The following SP3 variants were observed in gnomAD, a reference collection of about 807,000 sequenced individuals.
SP3 encodes the protein transcription factor Sp3.
SP3 carries 10 observed loss-of-function variants against 70.3 expected under a neutral mutation model. The ratio of observed to expected loss-of-function variants is 0.14; its 90% CI spans 0.09 to 0.24. The LOEUF (loss-of-function observed/expected upper bound fraction) is 0.24, where lower values mean the gene tolerates loss of function less well. Among genes scored for constraint, SP3 ranks in the 10% least tolerant of loss-of-function variants. The pLI, the probability that SP3 is intolerant of heterozygous loss-of-function variation, is 1.00. For synonymous variants in SP3, 402 were observed against 333.5 expected (o/e 1.21, Z -2.24); for missense variants, 825 against 914.6 (o/e 0.90, Z 1.26).
intron 4 of SP3, among the ~76,000 whole-genome samples, chr2:173,935,980 C>A (rs977340217): frequency 3.3e-5 from 5 of 151,328 alleles, no homozygotes; most frequent in African/African-American, 7.3e-5. Context: ...TTCCTTCCTT[C>A]CTTACTTTCT....
chr2:173,963,832 C>G lies in SP3; in HGVS notation c.208G>C (p.Gly70Arg). ...ALLAATCSKI[G>R]PPSPGDDEEE... ...TCGTCGTCGCCCGGCGATGGCGGCC[C>G]TATCTTGCTGCAGGTAGCGGCCAGC... The change falls in exon 3 of 7, where the codon GGG (glycine) becomes CGG (arginine). Residue 70 changes from glycine (G) to arginine (R), a missense_variant. Transcript: ENST00000310015. The G allele has an allele frequency of 6.7e-7, 1 of 1,496,358 alleles. No individual in the cohort carries two copies. Among genetic ancestry groups the G allele is most frequent in the Non-Finnish European group, 8.9e-7 (1 of 1,117,968 alleles). The allele number at this position is 1,496,358 out of a possible 1,614,324, so 92.7% of individuals were successfully genotyped here.
At chr2:173,949,715 A>AGCTACCAGTTAACCTGCAACTATCC (rs1381390447) in intron 4 of SP3, among the ~76,000 whole-genome samples, 2 of 152,362 alleles carry the variant, frequency 1.3e-5, no homozygotes, top group East Asian at 3.9e-4. Flanking sequence ...AAAAAAAGAT[A>AGCTACCAGTTAACCTGCAACTATCC]GCTACCAGTT....
chr2:173,930,592 A>G (rs1183470063), intron 4 of SP3, among the ~76,000 whole-genome samples: 1 of 152,152 alleles, frequency 6.6e-6, no homozygotes, highest in East Asian at 1.9e-4. Flanking sequence ...TTGTTTTCCA[A>G]CCTTGTCCCA....
intron 4 of SP3, among the ~76,000 whole-genome samples, chr2:173,942,490 C>T (rs1480929512): frequency 6.6e-6 from 1 of 152,130 alleles, no homozygotes; most frequent in Non-Finnish European, 1.5e-5. Flanking sequence ...CGCTTGAACC[C>T]AGGAGGTGGA....
In SP3 at chr2:173,939,764, C is replaced by CAAAAAAAAAAAAAAAA. The variant is rs3045251; in HGVS notation, c.1639+15093_1639+15108dup. On this transcript the variant is annotated intron_variant, in intron 4 of 6. Coordinates refer to ENST00000310015, the MANE Select transcript of SP3 (RefSeq NM_003111.5). Reference sequence around the variant, plus strand: ...TGAGCAACAGAGCAAGACTCCAACTCAAAAAAAAAAAAAAAAAAGTTACAC... The same window carrying CAAAAAAAAAAAAAAAA: ...TGAGCAACAGAGCAAGACTCCAACTCAAAAAAAAAAAAAAAAAAAAAAAAAAAAAAAAAAGTTACAC... Among the ~76,000 whole-genome samples, 205 of 70,144 alleles carry CAAAAAAAAAAAAAAAA rather than the reference C, an allele frequency of 2.9e-3. 9 individuals carry two copies. The highest frequency in any genetic ancestry group is 0.011 in the Middle Eastern group (1 of 92). The allele number at this position is 70,144 out of a possible 152,430, so 46.0% of individuals were successfully genotyped here. A position where few individuals can be genotyped will look rare whatever the true frequency, so the allele number is the denominator to read the frequency against.
chr2:173,944,639 G>GA (rs958180646), intron 4 of SP3, among the ~76,000 whole-genome samples: 49 of 152,188 alleles, frequency 3.2e-4, no homozygotes, highest in African/African-American at 1.1e-3. Context: ...CGGCATTACT[G>GA]AAAAATATAT....
intron 4 of SP3, among the ~76,000 whole-genome samples, chr2:173,927,572 C>A (rs112250768): frequency 3.9e-5 from 6 of 152,236 alleles, no homozygotes; most frequent in South Asian, 2.1e-4. Context: ...GCCACCCCAC[C>A]CGACCTATAT....
Position 173,964,408 on chromosome 2 carries a change from G to A in SP3, c.153C>T (p.Ala51=), listed in dbSNP as rs920871930. ...CCGGGGTTCAGCCGCTCCTCACCTGGGCCGCCGCTGCCGCCGCCACCGCAC... is the reference window on the plus strand; with the variant it reads ...CCGGGGTTCAGCCGCTCCTCACCTGAGCCGCCGCTGCCGCCGCCACCGCAC... ...GNGAVAAAAA[A]QDTQPSPLAL... Residue 51 remains alanine (A), a synonymous_variant, in exon 2 of 7, where the codon GCC becomes GCT. Coordinates refer to ENST00000310015, the MANE Select transcript of SP3 (RefSeq NM_003111.5). 1.4e-6 allele frequency: 1 copy of A among 720,936 alleles called. No homozygotes were observed. Among genetic ancestry groups the A allele is most frequent in the Non-Finnish European group, 2.5e-6 (1 of 395,530 alleles). 44.7% of individuals were successfully genotyped at this position (720,936 alleles called of 1,614,324 possible).
At chr2:173,923,161 T>C (rs954861531) in intron 4 of SP3, among the ~76,000 whole-genome samples, 1 of 152,156 alleles carries the variant, frequency 6.6e-6, no homozygotes, top group Non-Finnish European at 1.5e-5. Context: ...TTTATGTCTA[T>C]TCTCCACCTC....
intron 4 of SP3, among the ~76,000 whole-genome samples, chr2:173,948,761 AATAATT>A (rs138933831): frequency 0.12 from 17,986 of 152,128 alleles, 1,303 homozygotes; most frequent in Middle Eastern, 0.18. Context: ...ACAGAAAATA[AATAATT>A]ATAAGTCTCA....
At chr2:173,965,398 C>G (rs1167023369), upstream of SP3, 4 of 566,882 alleles carry the variant, frequency 7.1e-6, no homozygotes, top group Non-Finnish European at 1.3e-5. Context: ...TCCCGCCCCT[C>G]TTCTTGGCTC....
intron 3 of SP3, 87 bp from the exon 4 acceptor site, chr2:173,956,319 T>C: frequency 1.5e-6 from 2 of 1,372,486 alleles, no homozygotes; most frequent in Non-Finnish European, 2.0e-6. Flanking sequence ...TAAATCCTAC[T>C]ACCTGAAAAT....
Position 173,905,755 on chromosome 2 carries a change from T to C in SP3, c.*4186A>G, listed in dbSNP as rs994345315. ...GGCTCACGCCTATAATCCCAACACT[T>C]TGGGAGGCAGAGGTGGAAGGATCAC... On this transcript the variant is annotated 3_prime_UTR_variant, in exon 7 of 7. Coordinates refer to ENST00000310015, the MANE Select transcript of SP3 (RefSeq NM_003111.5). Among the ~76,000 whole-genome samples, 1 of 151,956 alleles carries C rather than the reference T, an allele frequency of 6.6e-6. No homozygotes were observed. The highest frequency in any genetic ancestry group is 1.5e-5 in the Non-Finnish European group (1 of 68,026).
At position 173,903,828 on chromosome 2, in the gene SP3, C is replaced by G. The variant is rs1453416703; in HGVS notation, c.*6113G>C. Among the ~76,000 whole-genome samples, 1 of 152,174 alleles carries G rather than the reference C, an allele frequency of 6.6e-6. No homozygotes were observed. The highest frequency in any genetic ancestry group is 2.4e-5 in the African/African-American group (1 of 41,418). On this transcript the variant is annotated 3_prime_UTR_variant, in exon 7 of 7. Coordinates refer to ENST00000310015, the MANE Select transcript of SP3 (RefSeq NM_003111.5). The stretch of plus-strand genomic sequence containing the variant: ...ATTCTACCAGTCTTTCAAGGCCCAC[C>G]CTTTCTGATTCATCCAAGCTATATA...
chr2:173,933,896 C>T (rs1019426782), intron 4 of SP3, among the ~76,000 whole-genome samples: 2 of 151,684 alleles, frequency 1.3e-5, no homozygotes, highest in African/African-American at 2.4e-5. Flanking sequence ...ACATCATTTG[C>T]CCTTCAACGA....
intron 4 of SP3, among the ~76,000 whole-genome samples, chr2:173,919,680 TGAC>T (rs1689694787): frequency 6.6e-6 from 1 of 152,014 alleles, no homozygotes; most frequent in Admixed American, 6.6e-5. Context: ...CCCACAGAAA[TGAC>T]GAGAAATTTT....
chr2:173,906,192 A>C lies in SP3; in HGVS notation c.*3749T>G, dbSNP rs1391608532. On this transcript the variant is annotated 3_prime_UTR_variant, in exon 7 of 7. Transcript: ENST00000310015. ...CAACATACCACACTGTACCTTTGCA[A>C]ACGCCATTTCTGCTGAGTTTCCCAG... Among the ~76,000 whole-genome samples, 1 of 152,122 alleles carries C rather than the reference A, an allele frequency of 6.6e-6. No individual in the cohort carries two copies. Among genetic ancestry groups the C allele is most frequent in the Non-Finnish European group, 1.5e-5 (1 of 68,020 alleles).
At chr2:173,934,416 A>G (rs897110452) in intron 4 of SP3, among the ~76,000 whole-genome samples, 2 of 152,228 alleles carry the variant, frequency 1.3e-5, no homozygotes, top group Non-Finnish European at 2.9e-5. Context: ...TATAGGCTGA[A>G]AGAAAATTAA....
At chr2:173,948,776 C>T (rs1263216932) in intron 4 of SP3, among the ~76,000 whole-genome samples, 2 of 151,884 alleles carry the variant, frequency 1.3e-5, no homozygotes, top group Non-Finnish European at 2.9e-5. Flanking sequence ...TTATAAGTCT[C>T]AAAATTAATA....
Sources: gnomAD v4.1 joint callset for allele counts (sites outside exome capture counted in the v4.1 genomes callset) on GRCh38, gnomAD v4.1.1 for gene constraint, MANE v1.5 for transcripts, NCBI Gene and HGNC (gene_info 2026-07-23, HGNC 2026-07-21) for gene names.